The following NANOS3 variants were observed in gnomAD, a reference collection of about 807,000 sequenced individuals.
NANOS3 encodes nanos C2HC-type zinc finger 3.
A neutral mutation model predicts 13.8 loss-of-function variants in NANOS3; 11 were observed. The observed-to-expected ratio is 0.80, with a 90% CI of 0.50 to 1.32. The LOEUF is 1.32. Among genes scored for constraint, NANOS3 ranks in the 40% most tolerant of loss-of-function variants. NANOS3 has a pLI of 0.00. For synonymous variants in NANOS3, 119 were observed against 115.4 expected (o/e 1.03, Z -0.20); for missense variants, 221 against 263.8 (o/e 0.84, Z 1.12).
upstream of NANOS3, among the ~76,000 whole-genome samples, chr19:13,877,012 T>C (rs984234923): frequency 1.3e-5 from 2 of 152,094 alleles, no homozygotes; most frequent in Non-Finnish European, 2.9e-5. Context: ...CATACAGCCC[T>C]TTAGGAGGAG....
At chr19:13,864,804 C>A (rs1054737870), upstream of NANOS3, among the ~76,000 whole-genome samples, 1 of 152,124 alleles carries the variant, frequency 6.6e-6, no homozygotes, top group African/African-American at 2.4e-5. Context: ...TTGCATGTGT[C>A]TGGTGCCCCC....
rs192283575 is a variant in NANOS3 at position 13,866,939 on chromosome 19, G to C, written n.21+1502G>C. ...CCTGCAGAAACACATCTGACAGCAG[G>C]TCACACATAATCTTTTTTATTTTTA... On this transcript the variant is annotated intron_variant and non_coding_transcript_variant, in intron 1 of 2. Transcript: ENST00000591161. 2.0e-3 allele frequency among the ~76,000 whole-genome samples: 305 copies of C among 152,160 alleles called. 1 individual carries two copies. Among genetic ancestry groups the C allele is most frequent in the Admixed American group, 4.0e-3 (61 of 15,268 alleles).
At position 13,877,229 on chromosome 19, in the gene NANOS3, C is replaced by T; in HGVS notation, c.-20C>T. On this transcript the variant is annotated 5_prime_UTR_variant, in exon 1 of 2. Transcript: ENST00000339133. ...TACTTGTCTCTGTGACTCCTTCCGC[C>T]TGGCACATGCTGCCCAGCTATGGGG... 1.9e-6 allele frequency: 3 copies of T among 1,589,902 alleles called. No individual in the cohort carries two copies. Among genetic ancestry groups the T allele is most frequent in the Non-Finnish European group, 2.6e-6 (3 of 1,164,122 alleles).
At chr19:13,879,936 G>C (rs1281105461) in intron 1 of NANOS3, among the ~76,000 whole-genome samples, 1 of 152,184 alleles carries the variant, frequency 6.6e-6, no homozygotes, top group African/African-American at 2.4e-5. Context: ...TGAGACAGGA[G>C]AATCGCTAGA....
chr19:13,868,508 G>A (rs893617637), intron 1 of NANOS3, among the ~76,000 whole-genome samples: 4 of 151,692 alleles, frequency 2.6e-5, no homozygotes, highest in Non-Finnish European at 5.9e-5. Context: ...AGGATCACTT[G>A]AGATGAGGAG....
chr19:13,876,664 A>T (rs1337957980), upstream of NANOS3, among the ~76,000 whole-genome samples: 1 of 151,746 alleles, frequency 6.6e-6, no homozygotes, highest in Non-Finnish European at 1.5e-5. Context: ...TTTCAGAGAC[A>T]GCTGGAGCAT....
At chr19:13,867,494 A>G (rs1976260335) in intron 1 of NANOS3, among the ~76,000 whole-genome samples, 1 of 151,786 alleles carries the variant, frequency 6.6e-6, no homozygotes, top group East Asian at 1.9e-4. Context: ...AAACTCGTTG[A>G]GCTCTAGCTA....
chr19:13,862,460 A>G (rs909910196), upstream of NANOS3, among the ~76,000 whole-genome samples: 1 of 151,946 alleles, frequency 6.6e-6, no homozygotes, highest in Non-Finnish European at 1.5e-5. Flanking sequence ...TTCAGCGAGC[A>G]GGACAGCTGG....
chr19:13,874,740 G>C (rs1206868333), upstream of NANOS3: 1 of 534,178 alleles, frequency 1.9e-6, no homozygotes, highest in Admixed American at 1.9e-5. Context: ...TCAACCTGTC[G>C]GTGAGTTTGG....
chr19:13,868,204 G>A (rs906311571), intron 1 of NANOS3, among the ~76,000 whole-genome samples: 12 of 151,686 alleles, frequency 7.9e-5, no homozygotes, highest in South Asian at 4.2e-4. Flanking sequence ...GATTACAGGC[G>A]CCCGCTACCA....
chr19:13,863,230 G>A (rs1003289938), upstream of NANOS3, among the ~76,000 whole-genome samples: 3 of 151,870 alleles, frequency 2.0e-5, no homozygotes, highest in Non-Finnish European at 4.4e-5. Flanking sequence ...TTTTTTTAGA[G>A]ATGAAGTCTC....
chr19:13,875,440 G>C (rs1189171690), upstream of NANOS3, among the ~76,000 whole-genome samples: 1 of 151,628 alleles, frequency 6.6e-6, no homozygotes, highest in African/African-American at 2.4e-5. Flanking sequence ...TCCCCCCTCG[G>C]CCTCCCAAAG....
intron 1 of NANOS3, among the ~76,000 whole-genome samples, chr19:13,871,130 C>T (rs924643446): frequency 1.3e-5 from 2 of 152,150 alleles, no homozygotes; most frequent in Non-Finnish European, 2.9e-5. Context: ...CAGACAGCTG[C>T]AACCAGACAA....
chr19:13,880,583 C>A lies in NANOS3; in HGVS notation c.*80C>A, dbSNP rs1044663471. On this transcript the variant is annotated 3_prime_UTR_variant, in exon 2 of 2. Coordinates refer to ENST00000339133, the MANE Select transcript of NANOS3 (RefSeq NM_001098622.3). ...ACCCACCCTATGACGACTGCCCCCA[C>A]TCCCAGACCCTCCCCCCAGCCTGGG... 4 of 1,137,204 alleles carry A rather than the reference C, an allele frequency of 3.5e-6. No individual in the cohort carries two copies. Among genetic ancestry groups the A allele is most frequent in the Non-Finnish European group, 5.3e-6 (4 of 755,778 alleles). The allele number at this position is 1,137,204 out of a possible 1,614,324, so 70.4% of individuals were successfully genotyped here. A position where few individuals can be genotyped will look rare whatever the true frequency, so the allele number is the denominator to read the frequency against.
At position 13,877,467 on chromosome 19, in the gene NANOS3, C is replaced by T. The variant is rs757257227; in HGVS notation, c.219C>T (p.Pro73=). 59 of 1,611,458 alleles carry T rather than the reference C, an allele frequency of 3.7e-5. No individual in the cohort carries two copies. Among genetic ancestry groups the T allele is most frequent in the Middle Eastern group, 1.6e-4 (1 of 6,084 alleles). The change falls in exon 1 of 2, where the codon CCC becomes CCT. Residue 73 remains proline (P), a synonymous_variant. Transcript: ENST00000339133. Reference sequence around the variant, plus strand: ...GCAGCCTGGAGTCCTCGCCAGCTCCCGAACGCCTGTGCTCTTTCTGCAAAC... The same window carrying T: ...GCAGCCTGGAGTCCTCGCCAGCTCCTGAACGCCTGTGCTCTTTCTGCAAAC... The part of the protein sequence containing the change: ...QKRSLESSPA[P]ERLCSFCKHN...
intron 1 of NANOS3, among the ~76,000 whole-genome samples, chr19:13,879,604 T>C (rs1968588571): frequency 6.6e-6 from 1 of 152,104 alleles, no homozygotes; most frequent in Non-Finnish European, 1.5e-5. Flanking sequence ...AGTGTGTGCC[T>C]GTAGTCCCAG....
chr19:13,877,570 C>A lies in NANOS3; in HGVS notation c.322C>A (p.Arg108=), dbSNP rs757240907. 8.7e-6 allele frequency: 14 copies of A among 1,612,248 alleles called. No homozygotes were observed. The highest frequency in any genetic ancestry group is 1.2e-5 in the Non-Finnish European group (14 of 1,179,988). ...EAGRVLCPIL[R]DYVCPQCGAT... ...TGGCAGGGTGCTGTGTCCCATCCTGCGGGACTACGTGTGTCCCCAGTGCGG... is the reference window on the plus strand; with the variant it reads ...TGGCAGGGTGCTGTGTCCCATCCTGAGGGACTACGTGTGTCCCCAGTGCGG... Residue 108 remains arginine (R), a synonymous_variant, in exon 1 of 2, where the codon CGG becomes AGG. Transcript: ENST00000339133.
At chr19:13,869,377 T>C (rs1011760101) in intron 1 of NANOS3, among the ~76,000 whole-genome samples, 2 of 151,924 alleles carry the variant, frequency 1.3e-5, no homozygotes, top group Non-Finnish European at 2.9e-5. Flanking sequence ...AGCCAGAACC[T>C]TCTCGCCTTC....
At chr19:13,869,453 C>T (rs1976291200) in intron 1 of NANOS3, among the ~76,000 whole-genome samples, 1 of 152,114 alleles carries the variant, frequency 6.6e-6, no homozygotes, top group African/African-American at 2.4e-5. Context: ...ACCCACCGCC[C>T]ACGGGCTGGG....
Sources: gnomAD v4.1 joint callset for allele counts (sites outside exome capture counted in the v4.1 genomes callset) on GRCh38, gnomAD v4.1.1 for gene constraint, MANE v1.5 for transcripts, NCBI Gene and HGNC (gene_info 2026-07-23, HGNC 2026-07-21) for gene names.